The following CAB39 variants were observed in gnomAD, a reference collection of about 807,000 sequenced individuals.
The protein encoded by CAB39 is calcium binding protein 39, also known as calcium-binding protein 39.
In CAB39, 8 loss-of-function variants were observed where a neutral mutation model predicts 40.0. That is an observed-to-expected ratio of 0.20 (90% confidence interval 0.12 to 0.36). The LOEUF (loss-of-function observed/expected upper bound fraction) is 0.36, where lower values mean the gene tolerates loss of function less well. Ranked by LOEUF, CAB39 falls within the 10% of genes least tolerant of loss-of-function variation. The pLI, the probability that CAB39 is intolerant of heterozygous loss-of-function variation, is 1.00. For missense variants in CAB39, 270 were observed against 401.1 expected (o/e 0.67, Z 2.79); for synonymous variants, 156 against 141.6 (o/e 1.10, Z -0.72).
chr2:230,807,354 C>T (rs1696214816), intron 5 of CAB39, among the ~76,000 whole-genome samples: 4 of 152,064 alleles, frequency 2.6e-5, no homozygotes, highest in African/African-American at 9.7e-5. Flanking sequence ...GCTTAGTATT[C>T]ACCTTTTTCT....
At chr2:230,786,335 C>G (rs1695793329) in intron 2 of CAB39, among the ~76,000 whole-genome samples, 1 of 149,014 alleles carries the variant, frequency 6.7e-6, no homozygotes, top group Admixed American at 6.7e-5. Flanking sequence ...GTTCCTGTCT[C>G]TCTCTTTCCT....
rs571875207 is a variant in CAB39, at chr2:230,765,526, T to A, written c.114+5411T>A. On this transcript the variant is annotated intron_variant, in intron 2 of 8. Coordinates refer to ENST00000258418, the MANE Select transcript of CAB39 (RefSeq NM_016289.4). Reference sequence around the variant, plus strand: ...TGAGAGTGGCTGCAGGTAGGGAGAATGTCCTAATTTAGGTAGGTTATGTAG... The same window carrying A: ...TGAGAGTGGCTGCAGGTAGGGAGAAAGTCCTAATTTAGGTAGGTTATGTAG... Among the ~76,000 whole-genome samples, 5 of 152,232 alleles carry A rather than the reference T, an allele frequency of 3.3e-5. No homozygotes were observed. In the East Asian group the frequency reaches 9.7e-4, roughly 29 times the overall value.
At chr2:230,745,583 T>G (rs934584706) in intron 1 of CAB39, among the ~76,000 whole-genome samples, 1 of 152,210 alleles carries the variant, frequency 6.6e-6, no homozygotes, top group African/African-American at 2.4e-5. Flanking sequence ...CAGATGAAGC[T>G]GGGGTATGGA....
intron 4 of CAB39, among the ~76,000 whole-genome samples, chr2:230,793,657 T>C (rs1695928435): frequency 6.6e-6 from 1 of 152,192 alleles, no homozygotes. Flanking sequence ...CATTGAAGTA[T>C]CAGTTAAGTT....
intron 2 of CAB39, among the ~76,000 whole-genome samples, chr2:230,784,362 G>A (rs920269825): frequency 6.6e-6 from 1 of 152,230 alleles, no homozygotes; most frequent in African/African-American, 2.4e-5. Flanking sequence ...AGGCTGCCCA[G>A]TGGTACTGAT....
intron 5 of CAB39, among the ~76,000 whole-genome samples, chr2:230,805,005 C>T (rs1353480263): frequency 1.3e-5 from 2 of 152,150 alleles, no homozygotes; most frequent in East Asian, 3.9e-4. Flanking sequence ...CCCAAATGTC[C>T]ATCAGTGACA....
At chr2:230,773,349 T>TG (rs1553673089) in intron 2 of CAB39, among the ~76,000 whole-genome samples, 1 of 150,466 alleles carries the variant, frequency 6.6e-6, no homozygotes. Flanking sequence ...TGTGTGTGTG[T>TG]TACATTAGGT....
At chr2:230,760,389 A>G (rs1478938972) in intron 2 of CAB39, among the ~76,000 whole-genome samples, 1 of 152,016 alleles carries the variant, frequency 6.6e-6, no homozygotes, top group Non-Finnish European at 1.5e-5. Context: ...TATTATTACT[A>G]ATTATTTTTG....
At chr2:230,814,738 C>T (rs1192809531) in intron 7 of CAB39, among the ~76,000 whole-genome samples, 1 of 152,088 alleles carries the variant, frequency 6.6e-6, no homozygotes. Context: ...AAGTAGATGC[C>T]TCAGAGACCC....
rs528623123 is a variant in CAB39, at chr2:230,768,987, C to G, written c.114+8872C>G. Among the ~76,000 whole-genome samples the G allele has an allele frequency of 5.3e-5, 8 of 152,202 alleles. No individual in the cohort carries two copies. The South Asian group carries it at 1.7e-3, about 32-fold the overall frequency. Reference sequence around the variant, plus strand: ...GTCAGATTGGATGAAAGAATCCCTACTATATGGTGCCTATTAAAAAATGTA... The same window carrying G: ...GTCAGATTGGATGAAAGAATCCCTAGTATATGGTGCCTATTAAAAAATGTA... On this transcript the variant is annotated intron_variant, in intron 2 of 8. Coordinates refer to ENST00000258418, the MANE Select transcript of CAB39 (RefSeq NM_016289.4).
chr2:230,746,965 A>G (rs1694987686), intron 1 of CAB39, among the ~76,000 whole-genome samples: 1 of 152,222 alleles, frequency 6.6e-6, no homozygotes, highest in Admixed American at 6.5e-5. Context: ...CATACATAAT[A>G]ACACATTATA....
chr2:230,729,036 C>T (rs997777712), intron 1 of CAB39, among the ~76,000 whole-genome samples: 1 of 152,130 alleles, frequency 6.6e-6, no homozygotes, highest in Non-Finnish European at 1.5e-5. Context: ...GTTTTAAGCA[C>T]TTACATTATC....
intron 1 of CAB39, among the ~76,000 whole-genome samples, chr2:230,753,007 G>A (rs1695117092): frequency 6.6e-6 from 1 of 152,174 alleles, no homozygotes; most frequent in Non-Finnish European, 1.5e-5. Context: ...TGAAACCATA[G>A]ATGAGATCAC....
Position 230,727,974 on chromosome 2 carries a change from C to T in CAB39, c.-44+14744C>T, listed in dbSNP as rs140935245. On this transcript the variant is annotated intron_variant, in intron 1 of 8. Coordinates refer to ENST00000258418, the MANE Select transcript of CAB39 (RefSeq NM_016289.4). ...CTAGCCCAGGCCAGGTGTGGTGGCT[C>T]ACGCCTGGAATCCCAGCACTTTGGG... 1.4e-3 allele frequency among the ~76,000 whole-genome samples: 215 copies of T among 152,278 alleles called. 3 individuals carry two copies. In the East Asian group the frequency reaches 0.031, roughly 22 times the overall value.
rs896897983 is a variant in CAB39, at chr2:230,734,545, T to C, written c.-44+21315T>C. The stretch of plus-strand genomic sequence containing the variant: ...GAAAGAAATGGTTCTGGGGGTGATA[T>C]AGAATGACCCTATGACCCTTCCGAG... On this transcript the variant is annotated intron_variant, in intron 1 of 8. Coordinates refer to ENST00000258418, the MANE Select transcript of CAB39 (RefSeq NM_016289.4). Among the ~76,000 whole-genome samples, 5 of 152,310 alleles carry C rather than the reference T, an allele frequency of 3.3e-5. No homozygotes were observed. The East Asian group carries it at 9.6e-4, about 29-fold the overall frequency.
At chr2:230,769,322 C>A (rs1695442957) in intron 2 of CAB39, among the ~76,000 whole-genome samples, 1 of 152,118 alleles carries the variant, frequency 6.6e-6, no homozygotes. Context: ...GATTTCAGTA[C>A]CCCACTATCA....
intron 6 of CAB39, 42 bp from the exon 7 acceptor site, chr2:230,814,007 T>TTTTTTTTTTTTC: frequency 2.1e-6 from 1 of 471,074 alleles, no homozygotes; most frequent in Non-Finnish European, 3.9e-6. Context: ...TTTTTTTTTT[T>TTTTTTTTTTTTC]TTTTTGGCAA....
Position 230,818,588 on chromosome 2 carries a change from G to A in CAB39, c.910G>A (p.Glu304Lys). The A allele has an allele frequency of 6.2e-7, 1 of 1,614,140 alleles. No homozygotes were observed. Among genetic ancestry groups the A allele is most frequent in the Non-Finnish European group, 8.5e-7 (1 of 1,179,998 alleles). The change falls in exon 9 of 9, where the codon GAG (glutamate) becomes AAG (lysine). Residue 304 changes from glutamate to lysine, a missense_variant. By Grantham distance (56) the Glu-to-Lys change is moderately conservative. Transcript: ENST00000258418. The part of the protein sequence containing the change: ...ILLKNQAKLI[E>K]FLSKFQNDRT... ...CCTCAAGAACCAGGCCAAACTCATAGAGTTCCTCAGCAAGTTTCAGAACGA... is the reference window on the plus strand; with the variant it reads ...CCTCAAGAACCAGGCCAAACTCATAAAGTTCCTCAGCAAGTTTCAGAACGA...
chr2:230,781,660 G>T (rs1490763918), intron 2 of CAB39, among the ~76,000 whole-genome samples: 1 of 152,108 alleles, frequency 6.6e-6, no homozygotes, highest in African/African-American at 2.4e-5. Flanking sequence ...TGGAGGAGCT[G>T]TAAGTGTGAA....
Sources: allele counts gnomAD v4.1 joint callset (sites outside exome capture counted in the v4.1 genomes callset), GRCh38; gene constraint gnomAD v4.1.1; transcripts MANE v1.5; gene names NCBI Gene and HGNC (gene_info 2026-07-23, HGNC 2026-07-21).